SEPTIN7: variants seen among roughly 807,000 people sequenced by gnomAD.
SEPTIN7 encodes septin-7.
In SEPTIN7, 10 loss-of-function variants were observed where a neutral mutation model predicts 63.3. The observed-to-expected ratio is 0.16, with a 90% CI of 0.10 to 0.27. The LOEUF (loss-of-function observed/expected upper bound fraction) is 0.27. Ranked by LOEUF, SEPTIN7 falls within the 10% of genes least tolerant of loss-of-function variation. SEPTIN7 has a pLI of 1.00. For synonymous variants in SEPTIN7, 131 were observed against 165.3 expected (o/e 0.79, Z 1.59); for missense variants, 310 against 521.0 (o/e 0.59, Z 3.94).
chr7:35,873,897 T>A, intron 6 of SEPTIN7, 122 bp downstream of exon 6: 1 of 882,674 alleles, frequency 1.1e-6, no homozygotes, highest in Non-Finnish European at 1.7e-6. Flanking sequence ...TATGAAGTAC[T>A]AAATTTCATG....
chr7:35,843,327 G>A (rs1360012864), intron 3 of SEPTIN7, among the ~76,000 whole-genome samples: 1 of 152,144 alleles, frequency 6.6e-6, no homozygotes, highest in Non-Finnish European at 1.5e-5. Flanking sequence ...GACATCTCAT[G>A]CTAGTCCATT....
intron 7 of SEPTIN7, among the ~76,000 whole-genome samples, chr7:35,880,223 C>CTTTTTTTTTTTTTTTTTTTTTATTTTT: frequency 2.7e-5 from 2 of 72,776 alleles, no homozygotes; most frequent in Admixed American, 1.4e-4. Flanking sequence ...TTTTTCTTTT[C>CTTTTTTTTTTTTTTTTTTTTTATTTTT]TTTTTTTTTT....
chr7:35,897,767 A>G (rs1290430080), intron 11 of SEPTIN7, among the ~76,000 whole-genome samples: 6 of 152,236 alleles, frequency 3.9e-5, no homozygotes, highest in East Asian at 1.9e-4. Flanking sequence ...GTTGTTTCCA[A>G]CGTATCAGTT....
chr7:35,857,761 A>C (rs1464086154), intron 3 of SEPTIN7, among the ~76,000 whole-genome samples: 1 of 152,178 alleles, frequency 6.6e-6, no homozygotes, highest in Middle Eastern at 3.2e-3. Flanking sequence ...ATTTTTAAAG[A>C]GTATTAAAAA....
rs755710941 is a variant in SEPTIN7 at position 35,832,881 on chromosome 7, A to G, written c.150A>G (p.Glu50=). 10 of 1,597,552 alleles carry G rather than the reference A, an allele frequency of 6.3e-6. No individual in the cohort carries two copies. In the Admixed American group the frequency reaches 6.7e-5, roughly 11 times the overall value. The change falls in exon 3 of 14, where the codon GAA becomes GAG. Residue 50 remains glutamate, a synonymous_variant. Coordinates refer to ENST00000350320, the MANE Select transcript of SEPTIN7 (RefSeq NM_001788.6). ...VYRKSVKRGF[E]FTLMVVGESG... ...GAAAATCGGTGAAGAGAGGTTTTGAATTCACGCTTATGGTAGTGGGTAAGA... is the reference window on the plus strand; with the variant it reads ...GAAAATCGGTGAAGAGAGGTTTTGAGTTCACGCTTATGGTAGTGGGTAAGA...
chr7:35,888,491 T>C, intron 10 of SEPTIN7, among the ~76,000 whole-genome samples: 1 of 151,380 alleles, frequency 6.6e-6, no homozygotes, highest in East Asian at 1.9e-4. Flanking sequence ...CTTTAACGAT[T>C]TTTCAGTGAT....
chr7:35,910,868 G>A (rs571890734), downstream of SEPTIN7, among the ~76,000 whole-genome samples: 31 of 152,290 alleles, frequency 2.0e-4, no homozygotes, highest in Non-Finnish European at 3.5e-4. Flanking sequence ...GGAGAGACCC[G>A]ATAACAAAAA....
chr7:35,897,031 A>G (rs1454512753), intron 11 of SEPTIN7, among the ~76,000 whole-genome samples: 1 of 152,224 alleles, frequency 6.6e-6, no homozygotes, highest in Admixed American at 6.5e-5. Context: ...ATTTAGCCTA[A>G]TAAGGAGAAA....
At chr7:35,913,197 C>T in the SEPTIN7 span, among the ~76,000 whole-genome samples, 1 of 152,190 alleles carries the variant, frequency 6.6e-6, no homozygotes. Flanking sequence ...AAGGTCATCT[C>T]TCCTTTGCTC....
At chr7:35,911,877 G>A (rs924907976), downstream of SEPTIN7, among the ~76,000 whole-genome samples, 4 of 152,096 alleles carry the variant, frequency 2.6e-5, no homozygotes, top group African/African-American at 4.8e-5. Context: ...AGACACACCC[G>A]ACCTTAATGC....
intron 1 of SEPTIN7, among the ~76,000 whole-genome samples, chr7:35,814,074 T>TAGCCGGGCGCGGTGGTGGG (rs1375262513): frequency 6.6e-6 from 1 of 151,568 alleles, no homozygotes; most frequent in African/African-American, 2.4e-5. Context: ...GAGAGTATTT[T>TAGCCGGGCGCGGTGGTGGG]CTTTCATGCT....
At chr7:35,892,322 A>G (rs1787697208) in intron 11 of SEPTIN7, among the ~76,000 whole-genome samples, 1 of 152,142 alleles carries the variant, frequency 6.6e-6, no homozygotes. Flanking sequence ...TATGTGAACA[A>G]AAGGAAGGCT....
chr7:35,867,908 G>T (rs552358062), intron 4 of SEPTIN7, among the ~76,000 whole-genome samples: 1 of 149,330 alleles, frequency 6.7e-6, no homozygotes, highest in Non-Finnish European at 1.5e-5. Flanking sequence ...GTCTTGCTCT[G>T]TTGCCCAGGC....
chr7:35,883,486 G>A (rs895949837), intron 8 of SEPTIN7, among the ~76,000 whole-genome samples: 1 of 151,984 alleles, frequency 6.6e-6, no homozygotes, highest in African/African-American at 2.4e-5. Flanking sequence ...CTATTACCTG[G>A]TTTAGGTACT....
chr7:35,867,629 C>T (rs1307405843), intron 4 of SEPTIN7, among the ~76,000 whole-genome samples: 4 of 152,088 alleles, frequency 2.6e-5, no homozygotes, highest in East Asian at 1.9e-4. Context: ...GGATTACAGG[C>T]GTGAGCCACC....
At chr7:35,808,580 G>T (rs533890740) in intron 1 of SEPTIN7, among the ~76,000 whole-genome samples, 55 of 152,296 alleles carry the variant, frequency 3.6e-4, no homozygotes, top group Admixed American at 7.2e-4. Context: ...CACAGTGCCA[G>T]CAGGTTTGGC....
chr7:35,903,609 T>A (rs945940832), intron 13 of SEPTIN7, among the ~76,000 whole-genome samples: 3 of 152,222 alleles, frequency 2.0e-5, no homozygotes, highest in Non-Finnish European at 4.4e-5. Flanking sequence ...AACTGTTGAA[T>A]TATGTTTTTA....
At chr7:35,801,898 C>A (rs1788011372) in intron 1 of SEPTIN7, among the ~76,000 whole-genome samples, 1 of 152,130 alleles carries the variant, frequency 6.6e-6, no homozygotes, top group Non-Finnish European at 1.5e-5. Flanking sequence ...GCTCCTCCTC[C>A]CGCCTCTCGG....
intron 4 of SEPTIN7, among the ~76,000 whole-genome samples, chr7:35,867,160 A>G (rs1429786790): frequency 1.3e-5 from 2 of 152,078 alleles, no homozygotes; most frequent in East Asian, 1.9e-4. Context: ...TTACTTATAT[A>G]TATATTTTTC....
Sources: allele counts gnomAD v4.1 joint callset (sites outside exome capture counted in the v4.1 genomes callset), GRCh38; gene constraint gnomAD v4.1.1; transcripts MANE v1.5; gene names NCBI Gene and HGNC (gene_info 2026-07-23, HGNC 2026-07-21).